MIA3: variants seen among roughly 807,000 people sequenced by gnomAD.
MIA3 encodes MIA SH3 domain ER export factor 3.
In MIA3, 90 loss-of-function variants were observed where a neutral mutation model predicts 192.4. That is an observed-to-expected ratio of 0.47 (90% CI 0.39 to 0.56). MIA3 has a LOEUF of 0.56. MIA3 is among the 20% of genes least tolerant of loss of function. The pLI is 0.00. For missense variants in MIA3, 2,123 were observed against 2,269.4 expected (o/e 0.94, Z 1.31); for synonymous variants, 740 against 792.8 (o/e 0.93, Z 1.12).
At chr1:222,644,334 T>A in intron 6 of MIA3, 1 of 1,469,632 alleles carries the variant, frequency 6.8e-7, no homozygotes, top group African/African-American at 1.4e-5. Context: ...AAAGCGAAAG[T>A]GCAGGCAGCT....
Position 222,665,752 on chromosome 1 carries a change from A to G in MIA3, c.*133A>G, listed in dbSNP as rs895703964. ...GTTGTTAGAACTAAGCTGCCTTGGC[A>G]GTGTGCATTTTTGAGCCAAACAATT... On this transcript the variant is annotated 3_prime_UTR_variant, in exon 28 of 28. Coordinates refer to ENST00000344922, the MANE Select transcript of MIA3 (RefSeq NM_198551.4). The G allele has an allele frequency of 1.2e-4, 86 of 701,352 alleles. No individual in the cohort carries two copies. In the African/African-American group the frequency reaches 1.3e-3, roughly 10 times the overall value. The allele number at this position is 701,352 out of a possible 1,614,324, so 43.4% of individuals were successfully genotyped here.
chr1:222,665,152 T>C (rs1444300418), intron 27 of MIA3, 157 bp from the exon 28 acceptor site: 9 of 587,696 alleles, frequency 1.5e-5, no homozygotes, highest in Admixed American at 3.6e-5. Flanking sequence ...TGAGCCATGA[T>C]CACTCATTAC....
chr1:222,632,207 C>G lies in MIA3; in HGVS notation c.3212C>G (p.Thr1071Arg), dbSNP rs752956523. The G allele has an allele frequency of 6.2e-7, 1 of 1,614,142 alleles. No homozygotes were observed. The highest frequency in any genetic ancestry group is 8.5e-7 in the Non-Finnish European group (1 of 1,180,016). ...LHEDNFSREK[T>R]AELNVQVPEE... The stretch of plus-strand genomic sequence containing the variant: ...GAAGATAATTTCTCACGAGAGAAGA[C>G]AGCAGAACTTAATGTGCAGGTTCCT... The change falls in exon 5 of 28, where the codon ACA becomes AGA. Residue 1071 changes from threonine (T) to arginine (R), a missense_variant. Transcript: ENST00000344922.
chr1:222,662,438 T>C (rs750788684), intron 26 of MIA3, 106 bp downstream of exon 26: 4 of 1,567,104 alleles, frequency 2.6e-6, no homozygotes, highest in Non-Finnish European at 3.5e-6. Context: ...CTGTACTATC[T>C]CATTTATTTT....
chr1:222,632,977 C>A, intron 5 of MIA3, 127 bp from the exon 6 acceptor site: 1 of 939,570 alleles, frequency 1.1e-6, no homozygotes, highest in Non-Finnish European at 1.6e-6. Flanking sequence ...AGTAAACATC[C>A]AGTGAGAGAT....
At chr1:222,653,884 G>T (rs937936682) in intron 15 of MIA3, among the ~76,000 whole-genome samples, 3 of 152,228 alleles carry the variant, frequency 2.0e-5, no homozygotes, top group African/African-American at 4.8e-5. Context: ...CCTCTCTCAA[G>T]TTGGATATTG....
intron 26 of MIA3, among the ~76,000 whole-genome samples, chr1:222,663,753 G>A (rs984097301): frequency 1.8e-4 from 28 of 152,122 alleles, no homozygotes; most frequent in African/African-American, 5.8e-4. Flanking sequence ...TAACCTGTGC[G>A]TTCCCTTCCA....
intron 5 of MIA3, among the ~76,000 whole-genome samples, chr1:222,632,645 T>TG (rs1662450698): frequency 6.6e-6 from 1 of 152,202 alleles, no homozygotes; most frequent in South Asian, 2.1e-4. Context: ...TCAGAAACTC[T>TG]GGGGGTGGAA....
At chr1:222,652,486 G>GT (rs1278005404) in intron 13 of MIA3, among the ~76,000 whole-genome samples, 154 bp downstream of exon 13, 1 of 152,212 alleles carries the variant, frequency 6.6e-6, no homozygotes, top group East Asian at 1.9e-4. Flanking sequence ...AAAATTGAGT[G>GT]TAGGTATACA....
intron 7 of MIA3, among the ~76,000 whole-genome samples, chr1:222,647,448 T>G (rs17163360): frequency 0.57 from 86,174 of 152,026 alleles, 27,668 homozygotes; most frequent in Non-Finnish European, 0.72. Flanking sequence ...GATTTCATAA[T>G]TATATCACAT....
intron 18 of MIA3, 179 bp from the exon 19 acceptor site, chr1:222,658,543 G>GT (rs1483929106): frequency 2.1e-6 from 1 of 467,740 alleles, no homozygotes; most frequent in African/African-American, 2.0e-5. Flanking sequence ...TGCAGGTGAT[G>GT]TATCAACAGG....
At position 222,621,249 on chromosome 1, in the gene MIA3, A is replaced by T. The variant is rs1661841792; in HGVS notation, c.224A>T (p.Tyr75Phe). 1.2e-6 allele frequency: 2 copies of T among 1,612,980 alleles called. No individual in the cohort carries two copies. Among genetic ancestry groups the T allele is most frequent in the African/African-American group, 2.7e-5 (2 of 74,834 alleles). Residue 75 changes from tyrosine to phenylalanine, a missense_variant, in exon 2 of 28, where the codon TAC (tyrosine) becomes TTC (phenylalanine). Physicochemically the swap from Tyr to Phe is conservative, Grantham distance 22. Coordinates refer to ENST00000344922, the MANE Select transcript of MIA3 (RefSeq NM_198551.4). The part of the protein sequence containing the change: ...NFKKGDPVYV[Y>F]YKLARGWPEV... ...AAAAAAGGTGATCCTGTATATGTTT[A>T]CTATAAACTGGCAAGAGGATGGCCT...
At chr1:222,636,588 T>C (rs1282444176) in intron 6 of MIA3, among the ~76,000 whole-genome samples, 1 of 150,222 alleles carries the variant, frequency 6.7e-6, no homozygotes, top group Non-Finnish European at 1.5e-5. Context: ...TCTTGGCTCA[T>C]TGCAACCTCC....
intron 7 of MIA3, among the ~76,000 whole-genome samples, chr1:222,648,415 A>G (rs1341099614): frequency 1.3e-5 from 2 of 152,178 alleles, no homozygotes; most frequent in Non-Finnish European, 2.9e-5. Context: ...AGTCTTTTTG[A>G]GTAGTCGTTG....
At chr1:222,631,216 G>C (rs1662386234) in intron 4 of MIA3, among the ~76,000 whole-genome samples, 1 of 151,432 alleles carries the variant, frequency 6.6e-6, no homozygotes, top group Non-Finnish European at 1.5e-5. Flanking sequence ...CCAACTCCTA[G>C]GCCCAAGCGA....
intron 23 of MIA3, 78 bp downstream of exon 23, chr1:222,660,084 T>C (rs1163492300): frequency 1.3e-6 from 2 of 1,587,242 alleles, no homozygotes; most frequent in African/African-American, 2.7e-5. Flanking sequence ...TGTTTCTGTG[T>C]GTAATGGTTA....
At chr1:222,637,780 T>C (rs1168571370) in intron 6 of MIA3, among the ~76,000 whole-genome samples, 1 of 150,810 alleles carries the variant, frequency 6.6e-6, no homozygotes, top group Non-Finnish European at 1.5e-5. Context: ...AGCCTCGACC[T>C]CTCTGGGCTC....
chr1:222,634,951 A>G (rs918571209), intron 6 of MIA3, among the ~76,000 whole-genome samples: 30 of 152,202 alleles, frequency 2.0e-4, no homozygotes, highest in African/African-American at 7.0e-4. Flanking sequence ...TGACATGATA[A>G]TGTAAAATGT....
Position 222,665,546 on chromosome 1 carries a change from C to G in MIA3, c.5651C>G (p.Ser1884Cys). Residue 1884 changes from serine to cysteine, a missense_variant, in exon 28 of 28, where the codon TCT becomes TGT. By Grantham distance (112) the Ser-to-Cys change is moderately radical (BLOSUM62 -1). Around this residue, in one of 3 missense-constraint regions of MIA3, gnomAD observed 762 missense variants for 856.4 expected, o/e 0.89. Coordinates refer to ENST00000344922, the MANE Select transcript of MIA3 (RefSeq NM_198551.4). ...PAVRDLLPSG[S>C]RDEPPPASQS... The stretch of plus-strand genomic sequence containing the variant: ...GTAAGAGACTTACTGCCGTCAGGCT[C>G]TAGAGATGAGCCTCCACCTGCCTCT... The G allele has an allele frequency of 6.2e-7, 1 of 1,614,138 alleles. No homozygotes were observed. The highest frequency in any genetic ancestry group is 2.2e-5 in the East Asian group (1 of 44,874).
Sources: allele counts gnomAD v4.1 joint callset (sites outside exome capture counted in the v4.1 genomes callset), GRCh38; gene constraint gnomAD v4.1.1; regional missense constraint gnomAD v4.1.1; transcripts MANE v1.5; gene names NCBI Gene and HGNC (gene_info 2026-07-23, HGNC 2026-07-21).